MED27: variants seen among roughly 807,000 people sequenced by gnomAD.
MED27 encodes mediator of RNA polymerase II transcription subunit 27.
In MED27, 30 loss-of-function variants were observed where a neutral mutation model predicts 38.2. That is an observed-to-expected ratio of 0.79 (90% CI 0.59 to 1.07). The LOEUF is 1.07. MED27 is among the 50% of genes least tolerant of loss of function. The probability of loss-of-function intolerance (pLI) is 0.00; values close to 1 mark genes in which losing one functional copy is unlikely to be tolerated. For missense variants in MED27, 289 were observed against 397.5 expected (o/e 0.73, Z 2.32); for synonymous variants, 122 against 153.5 (o/e 0.79, Z 1.52).
At chr9:131,925,283 T>C (rs1309388068) in intron 4 of MED27, among the ~76,000 whole-genome samples, 1 of 152,252 alleles carries the variant, frequency 6.6e-6, no homozygotes, top group Admixed American at 6.5e-5. Context: ...TGTATATATT[T>C]ATGGAATACA....
chr9:131,863,063 C>T lies in MED27; in HGVS notation c.801G>A (p.Met267Ile). 1 of 1,614,002 alleles carries T rather than the reference C, an allele frequency of 6.2e-7. No homozygotes were observed. Among genetic ancestry groups the T allele is most frequent in the Non-Finnish European group, 8.5e-7 (1 of 1,179,914 alleles). Residue 267 changes from methionine to isoleucine, a missense_variant and splice_region_variant, in exon 7 of 8, where the codon ATG becomes ATA. Physicochemically the swap from Met to Ile is conservative, Grantham distance 10. Coordinates refer to ENST00000292035, the MANE Select transcript of MED27 (RefSeq NM_004269.4). ...AGACCTGACTCTTGAAGCCACTTAC[C>T]ATGAAGGATCGGACCACGACATCCG... ...QMPDVVVRSF[M>I]TWLRSYIKLF...
intron 3 of MED27, among the ~76,000 whole-genome samples, chr9:131,998,183 G>A (rs1047121405): frequency 5.3e-5 from 8 of 151,588 alleles, no homozygotes; most frequent in African/African-American, 1.5e-4. Flanking sequence ...GGGAAGGAGC[G>A]CACTTGGGGA....
At chr9:131,878,306 T>C (rs1161519912) in intron 6 of MED27, among the ~76,000 whole-genome samples, 1 of 148,656 alleles carries the variant, frequency 6.7e-6, no homozygotes, top group African/African-American at 2.5e-5. Context: ...AATAAATAAA[T>C]AAATAAAATA....
chr9:131,919,025 C>T (rs1432952893), intron 4 of MED27, among the ~76,000 whole-genome samples: 1 of 152,070 alleles, frequency 6.6e-6, no homozygotes, highest in Admixed American at 6.6e-5. Flanking sequence ...TTCCTGAAAC[C>T]CATCCACCAC....
intron 3 of MED27, among the ~76,000 whole-genome samples, chr9:131,953,284 C>A (rs902410664): frequency 2.0e-5 from 3 of 152,234 alleles, no homozygotes; most frequent in African/African-American, 7.2e-5. Context: ...TGCCCTGGCA[C>A]CTCCAAACTG....
chr9:132,001,544 A>C (rs1057273716), intron 3 of MED27, among the ~76,000 whole-genome samples: 6 of 152,222 alleles, frequency 3.9e-5, no homozygotes, highest in Admixed American at 6.5e-5. Flanking sequence ...TATATTCAAA[A>C]GAAAAAAAAC....
At chr9:132,005,821 A>G (rs9328535) in intron 3 of MED27, among the ~76,000 whole-genome samples, 152,231 of 152,312 alleles carry the variant, frequency 1, 76,075 homozygotes, top group Middle Eastern at 1. Context: ...TGTCTCAGTC[A>G]GACAGCTTAA....
chr9:132,007,014 G>A (rs949588626), intron 3 of MED27, among the ~76,000 whole-genome samples: 3 of 152,198 alleles, frequency 2.0e-5, no homozygotes, highest in African/African-American at 7.2e-5. Context: ...GGGAATTAAT[G>A]TGCAAGGCGG....
At chr9:131,933,883 G>A (rs1830634951) in intron 4 of MED27, among the ~76,000 whole-genome samples, 1 of 151,958 alleles carries the variant, frequency 6.6e-6, no homozygotes, top group Non-Finnish European at 1.5e-5. Context: ...AAATTATATT[G>A]CAGAGCTATA....
intron 4 of MED27, among the ~76,000 whole-genome samples, chr9:131,933,585 T>C (rs1467601719): frequency 2.0e-5 from 3 of 151,724 alleles, no homozygotes; most frequent in Non-Finnish European, 4.4e-5. Context: ...ATGAAAACTA[T>C]AAAACTCTCA....
At chr9:132,013,424 C>T (rs937242563) in intron 3 of MED27, among the ~76,000 whole-genome samples, 2 of 152,162 alleles carry the variant, frequency 1.3e-5, no homozygotes, top group Non-Finnish European at 2.9e-5. Flanking sequence ...GAGGGCAGCA[C>T]AGGTATAGAC....
At chr9:131,932,661 G>C (rs1009494687) in intron 4 of MED27, among the ~76,000 whole-genome samples, 1 of 151,790 alleles carries the variant, frequency 6.6e-6, no homozygotes, top group Non-Finnish European at 1.5e-5. Flanking sequence ...CGATCCAAAG[G>C]CTTCACTGCT....
At chr9:132,059,453 A>T (rs982103464) in intron 2 of MED27, among the ~76,000 whole-genome samples, 1 of 152,250 alleles carries the variant, frequency 6.6e-6, no homozygotes, top group Non-Finnish European at 1.5e-5. Flanking sequence ...TCTAGTGCCT[A>T]GCTTCTCCTA....
intron 6 of MED27, among the ~76,000 whole-genome samples, chr9:131,873,483 G>T (rs1304323198): frequency 6.6e-6 from 1 of 152,168 alleles, no homozygotes; most frequent in African/African-American, 2.4e-5. Flanking sequence ...TGCAGCTCTC[G>T]TCTCTAATCT....
intron 6 of MED27, among the ~76,000 whole-genome samples, chr9:131,869,746 G>A (rs1219136627): frequency 6.6e-6 from 1 of 152,198 alleles, no homozygotes; most frequent in Non-Finnish European, 1.5e-5. Flanking sequence ...AGAGGGTGAT[G>A]CAGGGAGGGG....
At chr9:131,939,219 G>C (rs956920733) in intron 4 of MED27, 162 bp downstream of exon 4, 14 of 431,164 alleles carry the variant, frequency 3.2e-5, no homozygotes, top group Non-Finnish European at 5.3e-5. Context: ...TCAATGTGCA[G>C]AATTCTTAAC....
rs1055878490 is a variant in MED27 at position 131,872,452 on chromosome 9, A to C, written c.724-9312T>G. Reference sequence around the variant, plus strand: ...TTAGAAGTTGCTTATTTAAAAGAGAAGCCTGGTAGGGACCCAGACTGTGGC... The same window carrying C: ...TTAGAAGTTGCTTATTTAAAAGAGACGCCTGGTAGGGACCCAGACTGTGGC... On this transcript the variant is annotated intron_variant, in intron 6 of 7. Transcript: ENST00000292035. The surrounding 1 kb of genome is among the most constrained non-coding windows in gnomAD (Gnocchi z 5.6). Among the ~76,000 whole-genome samples, 3 of 152,264 alleles carry C rather than the reference A, an allele frequency of 2.0e-5. No homozygotes were observed. The highest frequency in any genetic ancestry group is 1.3e-4 in the Admixed American group (2 of 15,294).
chr9:131,862,754 G>A lies in MED27; in HGVS notation c.801+309C>T, dbSNP rs1340851128. Among the ~76,000 whole-genome samples the A allele has an allele frequency of 6.6e-6, 1 of 152,180 alleles. No homozygotes were observed. On this transcript the variant is annotated intron_variant, in intron 7 of 7. Coordinates refer to ENST00000292035, the MANE Select transcript of MED27 (RefSeq NM_004269.4). This position sits in a 1 kb window ranked among gnomAD's most constrained non-coding sequence, Gnocchi z 4.6. ...CTACATGCTCTGTGCCAACCACAGG[G>A]CCTGGCCCAGATTAGGAGCTCAATG...
Position 132,055,342 on chromosome 9 carries a change from A to T in MED27, c.348+22100T>A, listed in dbSNP as rs76652132. ...AAGGAACTGGAAATTCTTTTTCATT[A>T]ACGCTCACCAAGTTTTATTGCAACT... On this transcript the variant is annotated intron_variant, in intron 2 of 7. Coordinates refer to ENST00000292035, the MANE Select transcript of MED27 (RefSeq NM_004269.4). Among the ~76,000 whole-genome samples the T allele has an allele frequency of 1.5e-4, 23 of 152,314 alleles. No homozygotes were observed. The East Asian group carries it at 3.5e-3, about 23-fold the overall frequency.
Sources: allele counts gnomAD v4.1 joint callset (sites outside exome capture counted in the v4.1 genomes callset), GRCh38; gene constraint gnomAD v4.1.1; non-coding constraint Gnocchi (gnomAD v3.1); transcripts MANE v1.5; gene names NCBI Gene and HGNC (gene_info 2026-07-23, HGNC 2026-07-21).